PTPRN2: variants seen among roughly 807,000 people sequenced by gnomAD.
PTPRN2 encodes the protein protein tyrosine phosphatase receptor type N2, also known as receptor-type tyrosine-protein phosphatase N2.
In PTPRN2, 74 loss-of-function variants were observed where a neutral mutation model predicts 118.8. That is an observed-to-expected ratio of 0.62 (90% CI 0.52 to 0.76). The LOEUF (loss-of-function observed/expected upper bound fraction) is 0.76. PTPRN2 is among the 30% of genes least tolerant of loss of function. The probability of loss-of-function intolerance (pLI) is 0.00; values close to 1 mark genes in which losing one functional copy is unlikely to be tolerated. For missense variants in PTPRN2, 1,481 were observed against 1,394.4 expected (o/e 1.06, Z -0.99); for synonymous variants, 641 against 608.0 (o/e 1.05, Z -0.80).
chr7:158,465,717 G>A (rs886756664), intron 2 of PTPRN2, among the ~76,000 whole-genome samples: 2 of 152,178 alleles, frequency 1.3e-5, no homozygotes, highest in African/African-American at 2.4e-5. Flanking sequence ...CCAAGACACT[G>A]CCCTGAATGC....
At chr7:158,375,248 G>A (rs1445002161) in intron 2 of PTPRN2, among the ~76,000 whole-genome samples, 2 of 152,208 alleles carry the variant, frequency 1.3e-5, no homozygotes, top group Non-Finnish European at 2.9e-5. Flanking sequence ...GTGCCCACAG[G>A]GCATCAGCAG....
chr7:158,147,306 A>G (rs1820197819), intron 6 of PTPRN2, among the ~76,000 whole-genome samples: 2 of 115,986 alleles, frequency 1.7e-5, no homozygotes, highest in African/African-American at 7.8e-5. Context: ...ATGACACCCC[A>G]TCTCATGCCA....
At chr7:158,002,251 A>G (rs1296707917) in intron 11 of PTPRN2, among the ~76,000 whole-genome samples, 3 of 152,162 alleles carry the variant, frequency 2.0e-5, no homozygotes, top group Non-Finnish European at 4.4e-5. Context: ...CCCCCTGCAG[A>G]GGCTGTGCTC....
chr7:157,705,565 C>T (rs1037285871), intron 12 of PTPRN2, among the ~76,000 whole-genome samples: 1 of 152,042 alleles, frequency 6.6e-6, no homozygotes, highest in Admixed American at 6.5e-5. Flanking sequence ...TGAATCTGAC[C>T]CAGGTGCCTT....
chr7:157,705,848 G>A (rs891489579), intron 12 of PTPRN2, among the ~76,000 whole-genome samples: 2 of 151,936 alleles, frequency 1.3e-5, no homozygotes, highest in Admixed American at 6.6e-5. Flanking sequence ...AGATCAATGC[G>A]GATCACATCC....
At chr7:158,325,742 A>G (rs7791793) in intron 2 of PTPRN2, among the ~76,000 whole-genome samples, 143,628 of 152,274 alleles carry the variant, frequency 0.94, 67,804 homozygotes, top group Non-Finnish European at 0.96. Context: ...GGCAGGCAGA[A>G]CCCCGGCGGA....
At chr7:158,083,354 C>T (rs539375641) in intron 10 of PTPRN2, among the ~76,000 whole-genome samples, 7 of 152,124 alleles carry the variant, frequency 4.6e-5, no homozygotes, top group Non-Finnish European at 8.8e-5. Flanking sequence ...CATGTACCCC[C>T]GAAACAACGC....
intron 2 of PTPRN2, among the ~76,000 whole-genome samples, chr7:158,322,858 G>A (rs1206035758): frequency 6.6e-6 from 1 of 152,254 alleles, no homozygotes; most frequent in East Asian, 1.9e-4. Flanking sequence ...GGCAAGGGCT[G>A]GAGATTGCCA....
At chr7:157,918,654 G>A (rs778120954) in intron 11 of PTPRN2, among the ~76,000 whole-genome samples, 7 of 152,084 alleles carry the variant, frequency 4.6e-5, no homozygotes, top group East Asian at 1.9e-4. Flanking sequence ...TCATGGCGTC[G>A]ACACCAAGAA....
At chr7:158,172,786 C>T (rs910924262) in intron 5 of PTPRN2, among the ~76,000 whole-genome samples, 2 of 149,552 alleles carry the variant, frequency 1.3e-5, no homozygotes, top group African/African-American at 4.9e-5. Context: ...CAGCATCCCA[C>T]CATCATCATC....
intron 3 of PTPRN2, among the ~76,000 whole-genome samples, chr7:158,263,164 A>G (rs971993208): frequency 1.3e-5 from 2 of 149,070 alleles, no homozygotes; most frequent in African/African-American, 4.9e-5. Flanking sequence ...ACAGTCACAC[A>G]TTCACACACA....
At chr7:157,790,938 T>C (rs1164467367) in intron 12 of PTPRN2, among the ~76,000 whole-genome samples, 9 of 152,202 alleles carry the variant, frequency 5.9e-5, no homozygotes, top group Non-Finnish European at 1.2e-4. Context: ...CACCATCACA[T>C]TGGTAAACGT....
intron 18 of PTPRN2, among the ~76,000 whole-genome samples, chr7:157,577,020 G>T (rs1800092667): frequency 6.6e-6 from 1 of 152,180 alleles, no homozygotes; most frequent in Non-Finnish European, 1.5e-5. Context: ...GGGCTTGAGC[G>T]TCAAATAATT....
chr7:157,577,501 A>G (rs932687813), intron 18 of PTPRN2, among the ~76,000 whole-genome samples: 1 of 152,162 alleles, frequency 6.6e-6, no homozygotes, highest in Non-Finnish European at 1.5e-5. Flanking sequence ...TAAACTGGTG[A>G]GCAGGTTATC....
chr7:158,193,138 G>T (rs922319289), intron 4 of PTPRN2, among the ~76,000 whole-genome samples: 1 of 152,244 alleles, frequency 6.6e-6, no homozygotes, highest in Admixed American at 6.5e-5. Flanking sequence ...GAGGCTAGAA[G>T]GACAAACACA....
At chr7:158,150,664 C>CG (rs1563519185) in intron 6 of PTPRN2, among the ~76,000 whole-genome samples, 1 of 152,006 alleles carries the variant, frequency 6.6e-6, no homozygotes, top group African/African-American at 2.4e-5. Flanking sequence ...GAACATAACC[C>CG]AGGGGGGTCA....
At chr7:157,688,537 C>T (rs989721941) in intron 12 of PTPRN2, among the ~76,000 whole-genome samples, 1 of 152,328 alleles carries the variant, frequency 6.6e-6, no homozygotes, top group African/African-American at 2.4e-5. Flanking sequence ...AAGGCACCGG[C>T]TCCTGACCCC....
chr7:157,805,953 G>A (rs1246827551), intron 12 of PTPRN2, among the ~76,000 whole-genome samples: 2 of 152,150 alleles, frequency 1.3e-5, no homozygotes, highest in Non-Finnish European at 2.9e-5. Context: ...TGTGTGCACC[G>A]GCTGGGTGAC....
At chr7:157,685,616 C>T (rs1281627903) in intron 12 of PTPRN2, among the ~76,000 whole-genome samples, 1 of 152,164 alleles carries the variant, frequency 6.6e-6, no homozygotes, top group East Asian at 1.9e-4. Flanking sequence ...CCAGCCGAGG[C>T]TGTTCCCAGG....
Sources: allele counts gnomAD v4.1 joint callset (sites outside exome capture counted in the v4.1 genomes callset), GRCh38; gene constraint gnomAD v4.1.1; transcripts MANE v1.5; gene names NCBI Gene and HGNC (gene_info 2026-07-23, HGNC 2026-07-21).